ESYT3: variants seen among roughly 807,000 people sequenced by gnomAD.
ESYT3 encodes the protein extended synaptotagmin 3, also known as extended synaptotagmin-3.
A neutral mutation model predicts 111.5 loss-of-function variants in ESYT3; 101 were observed. The ratio of observed to expected loss-of-function variants is 0.91; its 90% CI spans 0.77 to 1.07. The LOEUF is 1.07. ESYT3 is among the 50% of genes least tolerant of loss of function. The pLI is 0.00. For missense variants in ESYT3, 1,097 were observed against 1,109.4 expected (o/e 0.99, Z 0.16); for synonymous variants, 416 against 446.8 (o/e 0.93, Z 0.87).
chr3:138,434,880 T>C lies in ESYT3; in HGVS notation c.82T>C (p.Ser28Pro). 6.5e-7 allele frequency: 1 copy of C among 1,550,306 alleles called. No homozygotes were observed. The highest frequency in any genetic ancestry group is 8.7e-7 in the Non-Finnish European group (1 of 1,146,994). Residue 28 changes from serine to proline, a missense_variant, in exon 1 of 23, where the codon TCC (serine) becomes CCC (proline). Ser to Pro is a moderately conservative substitution (Grantham distance 74). Transcript: ENST00000389567. ...QRTPGPELRL[S>P]SQLLPELCTF... ...CACGCCGGGCCCCGAGCTGCGCCTG[T>C]CCAGCCAGCTGCTGCCCGAGCTCTG...
intron 8 of ESYT3, among the ~76,000 whole-genome samples, chr3:138,462,814 T>C (rs572801798): frequency 4.4e-4 from 66 of 151,342 alleles, no homozygotes; most frequent in Non-Finnish European, 9.0e-4. Context: ...AGGCGTGCAC[T>C]ACCACGCCTG....
In ESYT3 at chr3:138,472,720, CCCA is replaced by C; in HGVS notation, c.2099_2101del (p.Pro700_Ile701delinsLeu). On this transcript the variant is annotated inframe_deletion, in exon 18 of 23. Coordinates refer to ENST00000389567, the MANE Select transcript of ESYT3 (RefSeq NM_031913.5). ...TGTCCCAGGTCCCCACTCTCCAGGG[CCCA>C]TCAAGTCACCCAGACCCATGAAATG... 1 of 1,614,198 alleles carries C rather than the reference CCCA, an allele frequency of 6.2e-7. No homozygotes were observed. The highest frequency in any genetic ancestry group is 8.5e-7 in the Non-Finnish European group (1 of 1,180,028).
chr3:138,463,835 AG>A (rs139363818), intron 8 of ESYT3, among the ~76,000 whole-genome samples: 17 of 151,954 alleles, frequency 1.1e-4, no homozygotes, highest in African/African-American at 3.6e-4. Context: ...AAGTGTAGGG[AG>A]GGGGTCTGCC....
chr3:138,450,080 GACGA>G (rs1373698934), intron 1 of ESYT3, among the ~76,000 whole-genome samples: 1 of 152,170 alleles, frequency 6.6e-6, no homozygotes, highest in African/African-American at 2.4e-5. Flanking sequence ...CTAAGATAGT[GACGA>G]ACGAATCAAT....
chr3:138,472,349 T>C lies in ESYT3; in HGVS notation c.1741-14T>C, dbSNP rs774057906. On this transcript the variant is annotated splice_polypyrimidine_tract_variant and intron_variant, in intron 17 of 22. Coordinates refer to ENST00000389567, the MANE Select transcript of ESYT3 (RefSeq NM_031913.5). Reference sequence around the variant, plus strand: ...GTGACTCAGCTCATAAGCCACCCTCTTATCTGCTTGCAGTTCCTGCAAGTG... The same window carrying C: ...GTGACTCAGCTCATAAGCCACCCTCCTATCTGCTTGCAGTTCCTGCAAGTG... 1 of 1,611,608 alleles carries C rather than the reference T, an allele frequency of 6.2e-7. No individual in the cohort carries two copies. Among genetic ancestry groups the C allele is most frequent in the Admixed American group, 1.7e-5 (1 of 59,588 alleles).
intron 1 of ESYT3, among the ~76,000 whole-genome samples, chr3:138,444,501 C>G (rs1293273314): frequency 1.3e-5 from 2 of 152,210 alleles, no homozygotes; most frequent in Non-Finnish European, 2.9e-5. Context: ...TAACACCAAA[C>G]CATCTAGAAG....
intron 18 of ESYT3, 116 bp from the exon 19 acceptor site, chr3:138,473,417 AATT>A (rs2033332333): frequency 3.6e-6 from 3 of 839,660 alleles, no homozygotes; most frequent in Admixed American, 2.2e-5. Flanking sequence ...ACTCACTGTG[AATT>A]ATTATCCTAC....
At chr3:138,455,053 A>T in intron 2 of ESYT3, 141 bp from the exon 3 acceptor site, 1 of 859,392 alleles carries the variant, frequency 1.2e-6, no homozygotes, top group South Asian at 1.7e-5. Context: ...ATGGGTGGGC[A>T]GGCAAGCAGG....
In ESYT3 at chr3:138,479,246, G is replaced by A. The variant is rs2033618444; in HGVS notation, c.*2392G>A. On this transcript the variant is annotated 3_prime_UTR_variant, in exon 23 of 23. Coordinates refer to ENST00000389567, the MANE Select transcript of ESYT3 (RefSeq NM_031913.5). ...CCATAAAATACATTGGCAAACCTAA[G>A]CAAGTTTTGATGATGATTGTTCACA... 1 of 152,194 alleles carries A rather than the reference G, an allele frequency of 6.6e-6. No homozygotes were observed. The highest frequency in any genetic ancestry group is 2.1e-4 in the South Asian group (1 of 4,828). 9.4% of individuals were successfully genotyped at this position (152,194 alleles called of 1,614,324 possible).
At chr3:138,441,045 G>A (rs1352126421) in intron 1 of ESYT3, among the ~76,000 whole-genome samples, 1 of 152,176 alleles carries the variant, frequency 6.6e-6, no homozygotes, top group Non-Finnish European at 1.5e-5. Context: ...TGGGTGAGGG[G>A]CTCTATCCTT....
intron 1 of ESYT3, among the ~76,000 whole-genome samples, chr3:138,438,794 T>TA (rs1418653610): frequency 6.6e-6 from 1 of 152,166 alleles, no homozygotes; most frequent in Non-Finnish European, 1.5e-5. Context: ...CCATGGGAGA[T>TA]ATAGCTGGAA....
At position 138,476,802 on chromosome 3, in the gene ESYT3, C is replaced by CGT. The variant is rs758491502; in HGVS notation, c.2625-15_2625-14dup. The CGT allele has an allele frequency of 1.2e-6, 2 of 1,613,334 alleles. No individual in the cohort carries two copies. ...TGTCATTACTAACGTTAAGTCCAAA[C>CGT]GTAACTGTCTTACAGGTATGAGCTG... On this transcript the variant is annotated splice_polypyrimidine_tract_variant and intron_variant, in intron 22 of 22. Transcript: ENST00000389567.
chr3:138,475,059 T>C (rs565848459), intron 20 of ESYT3, among the ~76,000 whole-genome samples: 10 of 152,354 alleles, frequency 6.6e-5, no homozygotes, highest in Admixed American at 2.0e-4. Flanking sequence ...CTTTGGGCCA[T>C]ATCTAAGAAC....
chr3:138,443,214 A>G (rs1309751268), intron 1 of ESYT3, among the ~76,000 whole-genome samples: 1 of 152,206 alleles, frequency 6.6e-6, no homozygotes, highest in Non-Finnish European at 1.5e-5. Context: ...TGTGTTAAGG[A>G]GCTGTGGATT....
chr3:138,447,101 C>T (rs920567647), intron 1 of ESYT3, among the ~76,000 whole-genome samples: 1 of 152,068 alleles, frequency 6.6e-6, no homozygotes, highest in Admixed American at 6.5e-5. Flanking sequence ...AATCAACAAC[C>T]GACATGAGGA....
intron 1 of ESYT3, among the ~76,000 whole-genome samples, chr3:138,436,892 T>C (rs1329183363): frequency 6.6e-6 from 1 of 152,204 alleles, no homozygotes; most frequent in Non-Finnish European, 1.5e-5. Flanking sequence ...CTGAGCTATA[T>C]GTAAAGGCAG....
At chr3:138,457,346 CTG>C (rs1265530488) in intron 3 of ESYT3, among the ~76,000 whole-genome samples, 2 of 152,172 alleles carry the variant, frequency 1.3e-5, no homozygotes, top group African/African-American at 2.4e-5. Context: ...CAGGGCCACT[CTG>C]TGTGGCTGTG....
At chr3:138,439,559 A>G (rs2030988763) in intron 1 of ESYT3, among the ~76,000 whole-genome samples, 1 of 152,142 alleles carries the variant, frequency 6.6e-6, no homozygotes, top group Non-Finnish European at 1.5e-5. Flanking sequence ...GGAGCTCTGC[A>G]GCCTTCACTC....
chr3:138,458,807 A>G (rs759672301), intron 4 of ESYT3, among the ~76,000 whole-genome samples: 7 of 152,156 alleles, frequency 4.6e-5, no homozygotes, highest in Non-Finnish European at 7.4e-5. Context: ...GAGATGGGAC[A>G]GGGGGACAGC....
Sources: gnomAD v4.1 joint callset for allele counts (sites outside exome capture counted in the v4.1 genomes callset) on GRCh38, gnomAD v4.1.1 for gene constraint, MANE v1.5 for transcripts, NCBI Gene and HGNC (gene_info 2026-07-23, HGNC 2026-07-21) for gene names.